Variants in DRICH1 observed in about 807,000 individuals in gnomAD.
DRICH1 encodes the protein aspartate rich 1.
A neutral mutation model predicts 39.5 loss-of-function variants in DRICH1; 38 were observed. That is an observed-to-expected ratio of 0.96 (90% CI 0.74 to 1.26). The LOEUF (loss-of-function observed/expected upper bound fraction) is 1.26, where lower values mean the gene tolerates loss of function less well. Ranked by LOEUF, DRICH1 falls within the 50% of genes most tolerant of loss-of-function variation. DRICH1 has a pLI of 0.00. For synonymous variants in DRICH1, 84 were observed against 99.5 expected, an observed-to-expected ratio of 0.84 and a Z score of 0.93; for missense variants, 279 against 270.4, an observed-to-expected ratio of 1.03 and a Z score of -0.22.
At chr22:23,621,268 T>C (rs1333755885) in intron 4 of DRICH1, among the ~76,000 whole-genome samples, 3 of 151,994 alleles carry the variant, frequency 2.0e-5, no homozygotes, top group Non-Finnish European at 4.4e-5. Flanking sequence ...TAGTCTAAGT[T>C]GAAAGTTTAC....
chr22:23,621,215 C>T (rs1306855380), intron 4 of DRICH1, among the ~76,000 whole-genome samples: 3 of 151,956 alleles, frequency 2.0e-5, no homozygotes. Flanking sequence ...GTTGGGCCCC[C>T]TCTCCTCCCC....
intron 11 of DRICH1, among the ~76,000 whole-genome samples, chr22:23,612,576 C>T (rs1392388792): frequency 6.7e-6 from 1 of 150,132 alleles, no homozygotes; most frequent in East Asian, 2.0e-4. Context: ...GTGATACTAT[C>T]TTTTGTGGGA....
chr22:23,622,078 A>C lies in DRICH1; in HGVS notation c.384+13T>G, dbSNP rs1172957321. The C allele has an allele frequency of 1.9e-6, 3 of 1,610,824 alleles. No homozygotes were observed. The Admixed American group carries it at 5.0e-5, about 27-fold the overall frequency. ...CCAACATTTCCTTAGAAGACAAAGA[A>C]AGATTGTCTTACCTGGGCATCATCA... On this transcript the variant is annotated intron_variant, in intron 4 of 11. Transcript: ENST00000317749.
chr22:23,582,719 C>T, the DRICH1 span, among the ~76,000 whole-genome samples: 1 of 152,016 alleles, frequency 6.6e-6, no homozygotes, highest in Admixed American at 6.6e-5. Context: ...TGCCCGCCAT[C>T]ATGCTAAATT....
downstream of DRICH1, among the ~76,000 whole-genome samples, chr22:23,603,475 A>G (rs1408115310): frequency 6.6e-6 from 1 of 151,848 alleles, no homozygotes; most frequent in Non-Finnish European, 1.5e-5. Context: ...GAAGCACACA[A>G]ATCTGATGAT....
At chr22:23,624,195 G>A (rs1171013505) in intron 3 of DRICH1, 2 of 985,350 alleles carry the variant, frequency 2.0e-6, no homozygotes, top group Non-Finnish European at 2.4e-6. Flanking sequence ...TATGCATCTG[G>A]CACACCGCAG....
intron 6 of DRICH1, among the ~76,000 whole-genome samples, chr22:23,618,341 C>T (rs1316409461): frequency 6.6e-6 from 1 of 151,976 alleles, no homozygotes; most frequent in African/African-American, 2.4e-5. Flanking sequence ...GTCTCCATCT[C>T]CTGATCTCAT....
the DRICH1 span, among the ~76,000 whole-genome samples, chr22:23,601,903 T>C: frequency 6.6e-6 from 1 of 152,194 alleles, no homozygotes; most frequent in African/African-American, 2.4e-5. Flanking sequence ...AGGGTTTGAA[T>C]GTAAAAGGAA....
rs36010947 is a variant in DRICH1, at chr22:23,610,892, ATT to A, written c.686-2126_686-2125del. ...TTTAACCTATTATTAGATGGGCAAA[ATT>A]TTTTTTTTTTTTTTTGAGACAGAGT... On this transcript the variant is annotated intron_variant, in intron 11 of 11. Transcript: ENST00000317749. Among the ~76,000 whole-genome samples the A allele has an allele frequency of 6.9e-4, 96 of 139,344 alleles. No individual in the cohort carries two copies. In the South Asian group the frequency reaches 0.01, roughly 15 times the overall value. The allele number at this position is 139,344 out of a possible 152,430, so 91.4% of individuals were successfully genotyped here. A position where few individuals can be genotyped will look rare whatever the true frequency, so the allele number is the denominator to read the frequency against.
At chr22:23,627,460 T>G (rs150447155) in intron 1 of DRICH1, among the ~76,000 whole-genome samples, 3 of 152,218 alleles carry the variant, frequency 2.0e-5, no homozygotes, top group African/African-American at 7.2e-5. Flanking sequence ...GCACAGGAGA[T>G]CCAGACATGA....
rs769723915 is a variant in DRICH1, at chr22:23,631,858, C to T, written c.166G>A (p.Gly56Ser). 8 of 1,612,390 alleles carry T rather than the reference C, an allele frequency of 5.0e-6. No homozygotes were observed. The highest frequency in any genetic ancestry group is 4.2e-4 in the Middle Eastern group (2 of 4,756). The change falls in exon 1 of 12, where the codon GGC becomes AGC. Residue 56 changes from glycine (G) to serine (S), a missense_variant. Transcript: ENST00000317749. ...PGKLDVGATE[G>S]QDLQHISNQK... ...TTGCTGATGTGCTGCAGGTCTTGGCCCTCCGTGGCTCCCACATCCAGCTTG... is the reference window on the plus strand; with the variant it reads ...TTGCTGATGTGCTGCAGGTCTTGGCTCTCCGTGGCTCCCACATCCAGCTTG...
chr22:23,632,705 A>G (rs1305729038), upstream of DRICH1: 1 of 151,976 alleles, frequency 6.6e-6, no homozygotes, highest in Non-Finnish European at 1.5e-5. Flanking sequence ...TGAGGTCAGG[A>G]GTTCAAGACC....
intron 11 of DRICH1, among the ~76,000 whole-genome samples, chr22:23,609,191 A>G (rs973532455): frequency 1.6e-4 from 25 of 152,170 alleles, no homozygotes; most frequent in Non-Finnish European, 2.8e-4. Flanking sequence ...CAGTGGCTAT[A>G]AGCCCACACT....
chr22:23,616,184 C>T (rs1024810617), intron 8 of DRICH1, among the ~76,000 whole-genome samples: 1 of 152,190 alleles, frequency 6.6e-6, no homozygotes, highest in Non-Finnish European at 1.5e-5. Flanking sequence ...GGGCACACCA[C>T]AGAAGAATTT....
chr22:23,584,937 T>G, the DRICH1 span, among the ~76,000 whole-genome samples: 4 of 152,138 alleles, frequency 2.6e-5, no homozygotes. Context: ...GGCTGGGATT[T>G]AAGTTACCAG....
At chr22:23,625,816 C>T (rs776862778) in intron 2 of DRICH1, among the ~76,000 whole-genome samples, 165 bp downstream of exon 2, 4 of 152,086 alleles carry the variant, frequency 2.6e-5, no homozygotes, top group South Asian at 2.1e-4. Context: ...TTGTTGAAAC[C>T]GTTCTGGGTG....
chr22:23,631,685 G>C lies in DRICH1; in HGVS notation c.208+131C>G, dbSNP rs1920979590. On this transcript the variant is annotated intron_variant, in intron 1 of 11. Coordinates refer to ENST00000317749, the MANE Select transcript of DRICH1 (RefSeq NM_016449.4). The stretch of plus-strand genomic sequence containing the variant: ...AGTCAGCCTTTGTCCCCCATGCCCA[G>C]ACCTGGGAAAGCTGGCTATGGACAG... 3 of 808,462 alleles carry C rather than the reference G, an allele frequency of 3.7e-6. No individual in the cohort carries two copies. The South Asian group carries it at 5.0e-5, about 14-fold the overall frequency. 50.1% of individuals were successfully genotyped at this position (808,462 alleles called of 1,614,324 possible). A position where few individuals can be genotyped will look rare whatever the true frequency, so the allele number is the denominator to read the frequency against.
chr22:23,583,250 C>T, the DRICH1 span: 1 of 152,054 alleles, frequency 6.6e-6, no homozygotes, highest in Non-Finnish European at 1.5e-5. Context: ...GTCAAATCCC[C>T]TCTGGTATTT....
At chr22:23,585,101 C>A in the DRICH1 span, among the ~76,000 whole-genome samples, 1 of 151,504 alleles carries the variant, frequency 6.6e-6, no homozygotes, top group East Asian at 1.9e-4. Context: ...TTTTTTTCCT[C>A]TCTCTCTCCT....
Sources: allele counts gnomAD v4.1 joint callset (sites outside exome capture counted in the v4.1 genomes callset), GRCh38; gene constraint gnomAD v4.1.1; transcripts MANE v1.5; gene names NCBI Gene and HGNC (gene_info 2026-07-23, HGNC 2026-07-21).